MMD2: variants seen among roughly 807,000 people sequenced by gnomAD.
MMD2 encodes the protein monocyte to macrophage differentiation associated 2.
A neutral mutation model predicts 33.5 loss-of-function variants in MMD2; 30 were observed. The observed-to-expected ratio is 0.90, with a 90% CI of 0.67 to 1.22. MMD2 has a LOEUF of 1.22. Among genes scored for constraint, MMD2 ranks in the 50% most tolerant of loss-of-function variants. The probability of loss-of-function intolerance (pLI) is 0.00; values close to 1 mark genes in which losing one functional copy is unlikely to be tolerated. For missense variants in MMD2, 364 were observed against 325.4 expected (o/e 1.12, Z -0.91); for synonymous variants, 129 against 123.0 (o/e 1.05, Z -0.32).
At chr7:4,955,569 T>TG (rs1215931586) in intron 1 of MMD2, among the ~76,000 whole-genome samples, 1 of 152,122 alleles carries the variant, frequency 6.6e-6, no homozygotes, top group African/African-American at 2.4e-5. Context: ...TGAAGACTTG[T>TG]GGGGAAAAAA....
At position 4,907,633 on chromosome 7, in the gene MMD2, G is replaced by A. The variant is rs1784897970; in HGVS notation, c.538-34C>T. 5 of 1,607,422 alleles carry A rather than the reference G, an allele frequency of 3.1e-6. No individual in the cohort carries two copies. The Admixed American group carries it at 6.7e-5, about 21-fold the overall frequency. On this transcript the variant is annotated intron_variant, in intron 6 of 6. Coordinates refer to ENST00000401401, the MANE Select transcript of MMD2 (RefSeq NM_198403.4). ...AAGGACAAGGGTGGGGCACAGGTCA[G>A]AGGGGCAGTCAGTGTGGCTGAAAGC...
chr7:4,938,940 G>A (rs894739333), intron 1 of MMD2, among the ~76,000 whole-genome samples: 2 of 152,106 alleles, frequency 1.3e-5, no homozygotes, highest in South Asian at 4.1e-4. Flanking sequence ...GGGCTCGATG[G>A]CTCACGTCTG....
chr7:4,958,300 C>T (rs1392071197), intron 1 of MMD2, among the ~76,000 whole-genome samples: 2 of 152,136 alleles, frequency 1.3e-5, no homozygotes, highest in African/African-American at 2.4e-5. Context: ...ACCCCCTCCC[C>T]ACGCCCACCT....
At chr7:4,924,363 G>C (rs1207295810) in intron 2 of MMD2, among the ~76,000 whole-genome samples, 1 of 152,224 alleles carries the variant, frequency 6.6e-6, no homozygotes, top group Non-Finnish European at 1.5e-5. Context: ...GGTCTAACAG[G>C]TCAGGGCGGG....
intron 1 of MMD2, among the ~76,000 whole-genome samples, chr7:4,933,443 G>A (rs1785647931): frequency 6.6e-6 from 1 of 152,056 alleles, no homozygotes; most frequent in South Asian, 2.1e-4. Flanking sequence ...TATCTTTCCT[G>A]GTAATTATTC....
intron 1 of MMD2, among the ~76,000 whole-genome samples, chr7:4,951,481 C>T (rs1451505834): frequency 6.6e-6 from 1 of 152,104 alleles, no homozygotes; most frequent in African/African-American, 2.4e-5. Context: ...TTCCCTCACC[C>T]TGGAAAACTC....
At chr7:4,924,748 T>C (rs1785378108) in intron 2 of MMD2, among the ~76,000 whole-genome samples, 1 of 152,052 alleles carries the variant, frequency 6.6e-6, no homozygotes, top group Non-Finnish European at 1.5e-5. Flanking sequence ...ATATTCCCGG[T>C]GACAGGAACA....
chr7:4,911,296 C>T (rs1266267421), intron 4 of MMD2, 50 bp from the exon 5 acceptor site: 14 of 1,467,450 alleles, frequency 9.5e-6, no homozygotes, highest in Admixed American at 2.0e-5. Context: ...CCCACCAGGA[C>T]CCCGGCCCTC....
intron 2 of MMD2, among the ~76,000 whole-genome samples, chr7:4,923,105 T>C (rs1785329163): frequency 6.6e-6 from 1 of 151,976 alleles, no homozygotes; most frequent in Non-Finnish European, 1.5e-5. Context: ...TCAGCACTTT[T>C]TTTTTTTTTG....
At chr7:4,948,480 G>A (rs1051363872) in intron 1 of MMD2, among the ~76,000 whole-genome samples, 19 of 151,316 alleles carry the variant, frequency 1.3e-4, no homozygotes, top group African/African-American at 3.6e-4. Flanking sequence ...CCAAGATCGC[G>A]CCACTGCACT....
chr7:4,939,413 T>G lies in MMD2; in HGVS notation c.48-13881A>C, dbSNP rs375177560. ...TAAAAATTAGCCAGGTGTGGTGGTG[T>G]GTACCTGTGGGCTCAGCTGCCCAGG... On this transcript the variant is annotated intron_variant, in intron 1 of 6. Coordinates refer to ENST00000401401, the MANE Select transcript of MMD2 (RefSeq NM_198403.4). Among the ~76,000 whole-genome samples, 18 of 151,094 alleles carry G rather than the reference T, an allele frequency of 1.2e-4. No individual in the cohort carries two copies. The South Asian group carries it at 3.8e-3, about 32-fold the overall frequency.
At chr7:4,955,691 CTGTT>C (rs575488451) in intron 1 of MMD2, among the ~76,000 whole-genome samples, 207 of 152,168 alleles carry the variant, frequency 1.4e-3, no homozygotes, top group African/African-American at 4.8e-3. Flanking sequence ...ATAATTTCAC[CTGTT>C]TATTTTTACT....
intron 1 of MMD2, among the ~76,000 whole-genome samples, chr7:4,934,268 A>AT (rs1164442273): frequency 6.7e-6 from 1 of 149,126 alleles, no homozygotes; most frequent in Non-Finnish European, 1.5e-5. Flanking sequence ...CACCCAACTA[A>AT]TTTTTTTGGA....
At chr7:4,913,199 G>T (rs28538734) in intron 4 of MMD2, among the ~76,000 whole-genome samples, 1 of 152,110 alleles carries the variant, frequency 6.6e-6, no homozygotes, top group Non-Finnish European at 1.5e-5. Context: ...CCTAAAAATA[G>T]GTCACTGGGT....
At chr7:4,953,690 C>G (rs1405586987) in intron 1 of MMD2, among the ~76,000 whole-genome samples, 1 of 151,854 alleles carries the variant, frequency 6.6e-6, no homozygotes, top group East Asian at 1.9e-4. Context: ...AGGCTGGTCT[C>G]GAACTCCTGA....
Position 4,907,168 on chromosome 7 carries a change from A to G in MMD2, c.*228T>C. 3.7e-6 allele frequency: 2 copies of G among 542,746 alleles called. No homozygotes were observed. Among genetic ancestry groups the G allele is most frequent in the Non-Finnish European group, 3.3e-6 (1 of 301,480 alleles). The allele number at this position is 542,746 out of a possible 1,614,324, so 33.6% of individuals were successfully genotyped here. ...TTGTATTAGGAAACACTCATCTAAA[A>G]TAGAAACACATTACAGGGTTAATTT... On this transcript the variant is annotated 3_prime_UTR_variant, in exon 7 of 7. Coordinates refer to ENST00000401401, the MANE Select transcript of MMD2 (RefSeq NM_198403.4).
chr7:4,893,993 C>T, the MMD2 span, among the ~76,000 whole-genome samples: 7 of 152,144 alleles, frequency 4.6e-5, no homozygotes, highest in African/African-American at 9.7e-5. Context: ...AAGGTCTTTG[C>T]GACCTGTATC....
At chr7:4,908,740 T>C (rs763910873) in intron 6 of MMD2, among the ~76,000 whole-genome samples, 17 of 150,936 alleles carry the variant, frequency 1.1e-4, no homozygotes, top group Non-Finnish European at 4.4e-5. Flanking sequence ...CTACTAAAAA[T>C]ACAATAATTA....
downstream of MMD2, among the ~76,000 whole-genome samples, chr7:4,904,424 G>A (rs1453739826): frequency 6.6e-6 from 1 of 152,212 alleles, no homozygotes; most frequent in Non-Finnish European, 1.5e-5. Flanking sequence ...TGATGCTGGG[G>A]AAGAGAAAGG....
Sources: allele counts gnomAD v4.1 joint callset (sites outside exome capture counted in the v4.1 genomes callset), GRCh38; gene constraint gnomAD v4.1.1; transcripts MANE v1.5; gene names NCBI Gene and HGNC (gene_info 2026-07-23, HGNC 2026-07-21).